MC2R: variants seen among roughly 807,000 people sequenced by gnomAD.
The protein encoded by MC2R is adrenocorticotropic hormone receptor.
MC2R carries 9 observed loss-of-function variants against 9.8 expected under a neutral mutation model. The observed-to-expected ratio is 0.92, with a 90% confidence interval of 0.55 to 1.60. MC2R has a LOEUF of 1.60. MC2R is among the 40% of genes most tolerant of loss of function. MC2R has a pLI of 0.00. For missense variants in MC2R, 370 were observed against 389.0 expected (o/e 0.95, Z 0.41); for synonymous variants, 185 against 154.7 (o/e 1.20, Z -1.45).
At chr18:13,909,832 C>T (rs1388889676) in intron 1 of MC2R, among the ~76,000 whole-genome samples, 2 of 152,182 alleles carry the variant, frequency 1.3e-5, no homozygotes, top group Non-Finnish European at 2.9e-5. Context: ...CCACTTCCCC[C>T]AGGGATCCCT....
rs113635538 is a variant in MC2R at position 13,890,680 on chromosome 18, G to A, written c.-128-5034C>T. Among the ~76,000 whole-genome samples the A allele has an allele frequency of 1.6e-3, 242 of 152,142 alleles. No homozygotes were observed. The Middle Eastern group carries it at 0.037, about 24-fold the overall frequency. ...ATGTCACTCGTTGCATAAGTTGTAC[G>A]GCCCAATACACTTATGTCTGTGTGT... On this transcript the variant is annotated intron_variant, in intron 1 of 1. Coordinates refer to ENST00000327606, the MANE Select transcript of MC2R (RefSeq NM_000529.2).
chr18:13,901,971 T>TC (rs890810885), intron 1 of MC2R, among the ~76,000 whole-genome samples: 6 of 151,276 alleles, frequency 4.0e-5, no homozygotes, highest in African/African-American at 1.2e-4. Context: ...AAGAAATCCA[T>TC]CCCCCCCACC....
chr18:13,886,534 G>A lies in MC2R; in HGVS notation c.-128-888C>T, dbSNP rs568325604. Among the ~76,000 whole-genome samples, 7 of 152,328 alleles carry A rather than the reference G, an allele frequency of 4.6e-5. No individual in the cohort carries two copies. The South Asian group carries it at 1.5e-3, about 32-fold the overall frequency. On this transcript the variant is annotated intron_variant, in intron 1 of 1. Transcript: ENST00000327606. ...GCTCGGTGGACTCGGGAGATGTTTA[G>A]TCCATTCCTTCTCACTGCTCGTCTC...
intron 1 of MC2R, among the ~76,000 whole-genome samples, chr18:13,892,846 A>ACACC (rs1555620091): frequency 4.9e-5 from 7 of 142,396 alleles, no homozygotes; most frequent in Admixed American, 4.1e-4. Flanking sequence ...ACACACACAC[A>ACACC]CCACACACAC....
intron 1 of MC2R, among the ~76,000 whole-genome samples, chr18:13,914,936 A>C (rs1567904934): frequency 1.3e-5 from 2 of 152,224 alleles, no homozygotes; most frequent in African/African-American, 4.8e-5. Flanking sequence ...AGGAAGGTGG[A>C]GGCTGACTGA....
intron 1 of MC2R, among the ~76,000 whole-genome samples, chr18:13,891,526 T>C (rs35106851): frequency 1.3e-5 from 2 of 152,210 alleles, no homozygotes; most frequent in East Asian, 3.8e-4. Context: ...GCTATCCTGG[T>C]TGACATCCTC....
intron 1 of MC2R, among the ~76,000 whole-genome samples, chr18:13,907,433 T>C (rs966670304): frequency 6.6e-6 from 1 of 152,116 alleles, no homozygotes; most frequent in Non-Finnish European, 1.5e-5. Context: ...AAGAAAACAT[T>C]GTGGAAATGC....
chr18:13,887,258 C>A (rs2045282113), intron 1 of MC2R, among the ~76,000 whole-genome samples: 3 of 111,982 alleles, frequency 2.7e-5, no homozygotes, highest in African/African-American at 9.7e-5. Flanking sequence ...GTCCCACCTG[C>A]TGGGGAAGCC....
chr18:13,908,447 T>C (rs1027129737), intron 1 of MC2R, among the ~76,000 whole-genome samples: 3 of 152,162 alleles, frequency 2.0e-5, no homozygotes, highest in Non-Finnish European at 4.4e-5. Context: ...TAAGAGCTAG[T>C]GTTTAATAAA....
At chr18:13,912,286 C>T (rs1388687662) in intron 1 of MC2R, among the ~76,000 whole-genome samples, 5 of 152,200 alleles carry the variant, frequency 3.3e-5, no homozygotes, top group African/African-American at 1.2e-4. Flanking sequence ...CTATTTCCTG[C>T]TCCCCTGCCT....
rs952788859 is a variant in MC2R, at chr18:13,892,775, G to A, written c.-128-7129C>T. Among the ~76,000 whole-genome samples, 14 of 150,896 alleles carry A rather than the reference G, an allele frequency of 9.3e-5. No homozygotes were observed. The South Asian group carries it at 2.7e-3, about 30-fold the overall frequency. On this transcript the variant is annotated intron_variant, in intron 1 of 1. Coordinates refer to ENST00000327606, the MANE Select transcript of MC2R (RefSeq NM_000529.2). ...AACCTTATTTTGAAAGAGAGATACA[G>A]AAATAGAGATGGAGATAGACATAAT...
chr18:13,892,914 C>A (rs1231314409), intron 1 of MC2R, among the ~76,000 whole-genome samples: 1 of 152,088 alleles, frequency 6.6e-6, no homozygotes, highest in Non-Finnish European at 1.5e-5. Context: ...GCAGCCTCAA[C>A]CTCCCGGGCT....
At position 13,883,576 on chromosome 18, in the gene MC2R, T is replaced by TACACACAC. The variant is rs67239935; in HGVS notation, c.*1041_*1048dup. The TACACACAC allele has an allele frequency of 1.6e-4, 19 of 118,664 alleles. No individual in the cohort carries two copies. The highest frequency in any genetic ancestry group is 3.3e-4 in the South Asian group (1 of 3,058). The allele number at this position is 118,664 out of a possible 1,614,324, so 7.4% of individuals were successfully genotyped here. A position where few individuals can be genotyped will look rare whatever the true frequency, so the allele number is the denominator to read the frequency against. The stretch of plus-strand genomic sequence containing the variant: ...CCATAGTCCAAAAGCATGGGGAAAA[T>TACACACAC]ACACACACACACACACACACACACA... On this transcript the variant is annotated 3_prime_UTR_variant, in exon 2 of 2. Coordinates refer to ENST00000327606, the MANE Select transcript of MC2R (RefSeq NM_000529.2).
intron 1 of MC2R, among the ~76,000 whole-genome samples, chr18:13,888,474 G>A (rs1398257581): frequency 6.6e-6 from 1 of 152,174 alleles, no homozygotes; most frequent in Non-Finnish European, 1.5e-5. Context: ...AACCCCCAGA[G>A]GAAGCTACCC....
chr18:13,903,909 G>A (rs1164106700), intron 1 of MC2R, among the ~76,000 whole-genome samples: 1 of 151,904 alleles, frequency 6.6e-6, no homozygotes, highest in Non-Finnish European at 1.5e-5. Context: ...CTCTATTAGA[G>A]GTATGTTTAA....
intron 1 of MC2R, among the ~76,000 whole-genome samples, chr18:13,893,426 C>G (rs2045328684): frequency 6.6e-6 from 1 of 152,162 alleles, no homozygotes; most frequent in African/African-American, 2.4e-5. Context: ...GCTTTGAGTG[C>G]TTATGAGTAT....
At chr18:13,906,916 G>C (rs899491972) in intron 1 of MC2R, among the ~76,000 whole-genome samples, 1 of 152,156 alleles carries the variant, frequency 6.6e-6, no homozygotes, top group Non-Finnish European at 1.5e-5. Context: ...TCATGGGTTG[G>C]AATAATTAAT....
At chr18:13,893,314 T>C (rs969496297) in intron 1 of MC2R, among the ~76,000 whole-genome samples, 1 of 152,206 alleles carries the variant, frequency 6.6e-6, no homozygotes, top group Non-Finnish European at 1.5e-5. Context: ...GTATGAGTAT[T>C]GATAGTGAAA....
intron 1 of MC2R, among the ~76,000 whole-genome samples, chr18:13,901,150 GT>G (rs753235639): frequency 1.6e-4 from 24 of 152,082 alleles, no homozygotes; most frequent in Middle Eastern, 3.4e-3. Context: ...TGAATGACCA[GT>G]GAATGAAGAA....
Sources: gnomAD v4.1 joint callset for allele counts (sites outside exome capture counted in the v4.1 genomes callset) on GRCh38, gnomAD v4.1.1 for gene constraint, MANE v1.5 for transcripts, NCBI Gene and HGNC (gene_info 2026-07-23, HGNC 2026-07-21) for gene names.